The following TMEM132B variants were observed in gnomAD, a reference collection of about 807,000 sequenced individuals.
The protein encoded by TMEM132B is transmembrane protein 132B.
In TMEM132B, 18 loss-of-function variants were observed where a neutral mutation model predicts 90.8. The ratio of observed to expected loss-of-function variants is 0.20; its 90% CI spans 0.14 to 0.29. TMEM132B has a LOEUF of 0.29. Ranked by LOEUF, TMEM132B falls within the 10% of genes least tolerant of loss-of-function variation. The pLI is 1.00. For synonymous variants in TMEM132B, 504 were observed against 523.3 expected (o/e 0.96, Z 0.50); for missense variants, 1,096 against 1,326.8 (o/e 0.83, Z 2.70).
intron 2 of TMEM132B, among the ~76,000 whole-genome samples, chr12:125,374,187 A>G (rs1878398333): frequency 6.6e-6 from 1 of 152,196 alleles, no homozygotes. Context: ...TCTGCACTTT[A>G]GGGATGTTCC....
chr12:125,441,424 T>C (rs1297125057), intron 3 of TMEM132B, among the ~76,000 whole-genome samples: 1 of 152,216 alleles, frequency 6.6e-6, no homozygotes, highest in Non-Finnish European at 1.5e-5. Flanking sequence ...ACCTCCGTGA[T>C]AAATACACAG....
chr12:125,477,135 T>C (rs1271881518), intron 3 of TMEM132B, among the ~76,000 whole-genome samples: 2 of 152,218 alleles, frequency 1.3e-5, no homozygotes, highest in African/African-American at 2.4e-5. Flanking sequence ...ATCAGCCCCA[T>C]GCAAATGATA....
rs117265995 is a variant in TMEM132B at position 125,363,889 on chromosome 12, A to G, written c.959+13546A>G. Among the ~76,000 whole-genome samples the G allele has an allele frequency of 7.9e-5, 12 of 152,352 alleles. No individual in the cohort carries two copies. The East Asian group carries it at 2.3e-3, about 29-fold the overall frequency. On this transcript the variant is annotated intron_variant, in intron 2 of 8. Coordinates refer to ENST00000682704, the MANE Select transcript of TMEM132B (RefSeq NM_001366854.1). ...TTAATAGAAATATTCATTAGAGGAAAGTGGATAAATGAATAGCTACATATT... is the reference window on the plus strand; with the variant it reads ...TTAATAGAAATATTCATTAGAGGAAGGTGGATAAATGAATAGCTACATATT...
At chr12:125,280,071 G>C (rs1875115910) in intron 1 of TMEM132B, among the ~76,000 whole-genome samples, 1 of 152,156 alleles carries the variant, frequency 6.6e-6, no homozygotes, top group Admixed American at 6.5e-5. Flanking sequence ...TCGTCACCCA[G>C]CTCATAGGTG....
chr12:125,240,829 C>T, intron 1 of TMEM132B, among the ~76,000 whole-genome samples: 1 of 152,206 alleles, frequency 6.6e-6, no homozygotes, highest in East Asian at 1.9e-4. Context: ...TAAATGTCTG[C>T]TGCTTTTATT....
intron 1 of TMEM132B, among the ~76,000 whole-genome samples, chr12:125,291,208 C>T (rs761512865): frequency 1.3e-5 from 2 of 152,192 alleles, no homozygotes; most frequent in Non-Finnish European, 2.9e-5. Context: ...AGGTGGCCAT[C>T]TGCAACCCAG....
At chr12:125,400,498 G>C (rs770346508) in intron 2 of TMEM132B, among the ~76,000 whole-genome samples, 11 of 152,194 alleles carry the variant, frequency 7.2e-5, no homozygotes, top group Non-Finnish European at 1.3e-4. Context: ...CAAAATATCT[G>C]GGTTTCCAGC....
At chr12:125,497,541 T>C (rs1882592988) in intron 3 of TMEM132B, among the ~76,000 whole-genome samples, 1 of 152,112 alleles carries the variant, frequency 6.6e-6, no homozygotes, top group Non-Finnish European at 1.5e-5. Flanking sequence ...CTGAGTAGAG[T>C]CTTGAGCCAC....
At chr12:125,388,984 A>G (rs1194312839) in intron 2 of TMEM132B, among the ~76,000 whole-genome samples, 2 of 149,448 alleles carry the variant, frequency 1.3e-5, no homozygotes, top group South Asian at 2.1e-4. Context: ...TTGTCTTTCT[A>G]TTGCCCCTCT....
intron 1 of TMEM132B, among the ~76,000 whole-genome samples, chr12:125,265,194 T>G (rs1004417496): frequency 6.6e-6 from 1 of 152,206 alleles, no homozygotes; most frequent in Admixed American, 6.5e-5. Flanking sequence ...GAAATGTCAT[T>G]TTGTGGTGCA....
rs554138240 is a variant in TMEM132B, at chr12:125,502,840, C to T, written c.1107-16599C>T. ...ATAATCCATAACTTGGAGACCCAGA[C>T]AAAGAGTATAAGTTTGTGAAACTCT... is the stretch of plus-strand genomic sequence containing the variant. On this transcript the variant is annotated intron_variant, in intron 3 of 8. Coordinates refer to ENST00000682704, the MANE Select transcript of TMEM132B (RefSeq NM_001366854.1). 2.0e-5 allele frequency among the ~76,000 whole-genome samples: 3 copies of T among 152,116 alleles called. No homozygotes were observed. The East Asian group carries it at 5.8e-4, about 29-fold the overall frequency.
At chr12:125,560,889 T>C (rs372107294) in intron 4 of TMEM132B, among the ~76,000 whole-genome samples, 6 of 132,530 alleles carry the variant, frequency 4.5e-5, no homozygotes, top group African/African-American at 1.8e-4. Context: ...CTGGAGAGGA[T>C]GTGGAGAAAT....
At chr12:125,526,450 G>A (rs1446360913) in intron 4 of TMEM132B, among the ~76,000 whole-genome samples, 1 of 152,214 alleles carries the variant, frequency 6.6e-6, no homozygotes, top group Non-Finnish European at 1.5e-5. Context: ...ATACACAGAT[G>A]CTGGGGGAAT....
chr12:125,471,567 G>A (rs190152898), intron 3 of TMEM132B, among the ~76,000 whole-genome samples: 3 of 152,288 alleles, frequency 2.0e-5, no homozygotes, highest in Admixed American at 6.5e-5. Context: ...AGTGGACGTC[G>A]GGTTGGTCTT....
intron 3 of TMEM132B, among the ~76,000 whole-genome samples, chr12:125,502,605 G>A (rs557681651): frequency 2.0e-4 from 31 of 152,206 alleles, no homozygotes; most frequent in Non-Finnish European, 4.3e-4. Context: ...CAGAAAATGC[G>A]GAGCTGGAAG....
chr12:125,631,209 AT>A, intron 5 of TMEM132B, among the ~76,000 whole-genome samples: 1 of 151,798 alleles, frequency 6.6e-6, no homozygotes, highest in South Asian at 2.1e-4. Context: ...GTTTTAAGAA[AT>A]TTTTCAATTT....
intron 4 of TMEM132B, among the ~76,000 whole-genome samples, chr12:125,569,655 G>T (rs909252079): frequency 2.0e-5 from 3 of 152,134 alleles, no homozygotes; most frequent in Non-Finnish European, 4.4e-5. Flanking sequence ...GCATAAAGGA[G>T]AATTAATGTT....
At chr12:125,518,401 A>C (rs1227347078) in intron 3 of TMEM132B, among the ~76,000 whole-genome samples, 1 of 152,214 alleles carries the variant, frequency 6.6e-6, no homozygotes, top group Non-Finnish European at 1.5e-5. Flanking sequence ...TTCTCAGCCT[A>C]CATTGGTCCT....
Position 125,445,303 on chromosome 12 carries a change from A to G in TMEM132B, c.1106+29626A>G, listed in dbSNP as rs1194440435. On this transcript the variant is annotated intron_variant, in intron 3 of 8. Coordinates refer to ENST00000682704, the MANE Select transcript of TMEM132B (RefSeq NM_001366854.1). This position sits in a 1 kb window ranked among gnomAD's most constrained non-coding sequence, Gnocchi z 4.3. Reference sequence around the variant, plus strand: ...TCCTGACCCTATCACTAGAGACCTTAGGCATAGAACCCCTTGCTGCCCCAG... The same window carrying G: ...TCCTGACCCTATCACTAGAGACCTTGGGCATAGAACCCCTTGCTGCCCCAG... Among the ~76,000 whole-genome samples, 1 of 152,168 alleles carries G rather than the reference A, an allele frequency of 6.6e-6. No individual in the cohort carries two copies. Among genetic ancestry groups the G allele is most frequent in the Non-Finnish European group, 1.5e-5 (1 of 68,036 alleles).
Sources: gnomAD v4.1 joint callset for allele counts (sites outside exome capture counted in the v4.1 genomes callset) on GRCh38, gnomAD v4.1.1 for gene constraint, Gnocchi (gnomAD v3.1) non-coding constraint, MANE v1.5 for transcripts, NCBI Gene and HGNC (gene_info 2026-07-23, HGNC 2026-07-21) for gene names.